Variants in ZFYVE16 observed in about 807,000 individuals in gnomAD.
The protein encoded by ZFYVE16 is zinc finger FYVE-type containing 16, also known as zinc finger FYVE domain-containing protein 16.
Under a neutral mutation model 138.1 loss-of-function variants are expected in ZFYVE16, and 89 were observed. The observed-to-expected ratio is 0.64, with a 90% CI of 0.54 to 0.77. The LOEUF is 0.77. ZFYVE16 is among the 30% of genes least tolerant of loss of function. ZFYVE16 has a pLI of 0.00. For synonymous variants in ZFYVE16, 596 were observed against 618.3 expected (o/e 0.96, Z 0.53); for missense variants, 1,793 against 1,786.7 (o/e 1.00, Z -0.06).
chr5:80,443,007 T>A (rs1026972684), intron 5 of ZFYVE16, 116 bp from the exon 6 acceptor site: 6 of 1,019,884 alleles, frequency 5.9e-6, no homozygotes, highest in South Asian at 4.0e-5. Context: ...TTTTCTTGAT[T>A]AGCCATTTCT....
rs772608052 is a variant in ZFYVE16, at chr5:80,439,014, T to C, written c.2322+7T>C. On this transcript the variant is annotated splice_region_variant and intron_variant, in intron 4 of 18. Coordinates refer to ENST00000505560, the MANE Select transcript of ZFYVE16 (RefSeq NM_001284236.3). ...TTGCCGAGCATGTGGGAAAGTAAGTTATAAAAATCTTTTAAGTCTTTTGTT... is the reference window on the plus strand; with the variant it reads ...TTGCCGAGCATGTGGGAAAGTAAGTCATAAAAATCTTTTAAGTCTTTTGTT... 223 of 1,592,612 alleles carry C rather than the reference T, an allele frequency of 1.4e-4. No homozygotes were observed. The highest frequency in any genetic ancestry group is 2.2e-5 in the Non-Finnish European group (26 of 1,171,094).
chr5:80,445,435 C>G (rs1356019667), intron 7 of ZFYVE16, 30 bp downstream of exon 7: 2 of 1,581,268 alleles, frequency 1.3e-6, no homozygotes, highest in Non-Finnish European at 8.6e-7. Context: ...ACTTAATTGA[C>G]TAAACAAAAT....
At chr5:80,427,807 A>G (rs1243380010) in intron 2 of ZFYVE16, among the ~76,000 whole-genome samples, 3 of 150,730 alleles carry the variant, frequency 2.0e-5, no homozygotes, top group African/African-American at 7.3e-5. Flanking sequence ...CCACTCTTCT[A>G]AAAAAGGTTC....
intron 5 of ZFYVE16, chr5:80,441,071 T>C: frequency 1.0e-6 from 1 of 985,434 alleles, no homozygotes; most frequent in Non-Finnish European, 1.2e-6. Flanking sequence ...TAAGTGCTTA[T>C]AGTTGTTTTG....
Position 80,439,026 on chromosome 5 carries a change from T to TAAAAGAC in ZFYVE16, c.2322+19_2322+20insAAAAGAC. On this transcript the variant is annotated intron_variant, in intron 4 of 18. Transcript: ENST00000505560. ...TGGGAAAGTAAGTTATAAAAATCTT[T>TAAAAGAC]TAAGTCTTTTGTTCTTTTGAGACAT... The TAAAAGAC allele has an allele frequency of 6.3e-7, 1 of 1,585,836 alleles. No homozygotes were observed. Among genetic ancestry groups the TAAAAGAC allele is most frequent in the Non-Finnish European group, 8.6e-7 (1 of 1,167,428 alleles).
chr5:80,418,804 T>C (rs1325458232), intron 1 of ZFYVE16, among the ~76,000 whole-genome samples: 1 of 152,198 alleles, frequency 6.6e-6, no homozygotes, highest in East Asian at 1.9e-4. Flanking sequence ...TCGTGGATCA[T>C]GGTACTGGTA....
At chr5:80,462,581 C>A (rs192809060) in intron 15 of ZFYVE16, among the ~76,000 whole-genome samples, 2 of 152,254 alleles carry the variant, frequency 1.3e-5, no homozygotes, top group Admixed American at 1.3e-4. Context: ...CTAACTATAT[C>A]ATTCCTCCCC....
intron 15 of ZFYVE16, among the ~76,000 whole-genome samples, chr5:80,460,968 T>G (rs1318419228): frequency 1.3e-5 from 2 of 152,336 alleles, no homozygotes; most frequent in African/African-American, 4.8e-5. Flanking sequence ...CTCATTGTAT[T>G]ATTTTTACTA....
At chr5:80,417,221 T>C (rs371520592) in intron 1 of ZFYVE16, among the ~76,000 whole-genome samples, 92 of 152,326 alleles carry the variant, frequency 6.0e-4, no homozygotes, top group Middle Eastern at 3.4e-3. Flanking sequence ...GCCTGTCTTT[T>C]CTTTCTTTAG....
At position 80,431,361 on chromosome 5, in the gene ZFYVE16, A is replaced by C. The variant is rs138405330; in HGVS notation, c.-39-2748A>C. On this transcript the variant is annotated intron_variant, in intron 2 of 18. Transcript: ENST00000505560. ...ACCACATGATTATCTCAATAGATGC[A>C]GAAAAGGCCTTTGACAAAATTCAAT... Among the ~76,000 whole-genome samples the C allele has an allele frequency of 1.3e-3, 191 of 152,356 alleles. 1 individual carries two copies. The highest frequency in any genetic ancestry group is 4.3e-3 in the African/African-American group (177 of 41,582).
chr5:80,446,926 T>C (rs1368748664), intron 7 of ZFYVE16, among the ~76,000 whole-genome samples: 1 of 152,148 alleles, frequency 6.6e-6, no homozygotes, highest in Non-Finnish European at 1.5e-5. Context: ...AGCATCACTT[T>C]GTGCCAGTCA....
chr5:80,474,946 T>A (rs1276833216), intron 18 of ZFYVE16, 116 bp downstream of exon 18: 1 of 1,084,540 alleles, frequency 9.2e-7, no homozygotes, highest in Admixed American at 2.7e-5. Flanking sequence ...GCATCAAATG[T>A]GTGCTACACA....
intron 8 of ZFYVE16, 138 bp downstream of exon 8, chr5:80,448,542 AG>A: frequency 1.3e-6 from 1 of 798,826 alleles, no homozygotes. Context: ...GTTTACAGAA[AG>A]TCTTATTATA....
At chr5:80,441,165 A>G (rs1033018921) in intron 5 of ZFYVE16, 1 of 985,470 alleles carries the variant, frequency 1.0e-6, no homozygotes, top group Non-Finnish European at 1.2e-6. Context: ...CAGAAATTTT[A>G]GAGCAAGCTC....
chr5:80,463,542 C>T (rs1401845450), intron 15 of ZFYVE16, among the ~76,000 whole-genome samples: 2 of 152,156 alleles, frequency 1.3e-5, no homozygotes, highest in African/African-American at 4.8e-5. Context: ...TCTGGTATGC[C>T]CTAGAGACAT....
At chr5:80,430,690 A>G (rs905600902) in intron 2 of ZFYVE16, among the ~76,000 whole-genome samples, 6 of 152,240 alleles carry the variant, frequency 3.9e-5, no homozygotes, top group African/African-American at 1.4e-4. Context: ...ATAGACTGCT[A>G]GCAAGACTGA....
At chr5:80,444,626 A>C (rs1751095376) in intron 6 of ZFYVE16, among the ~76,000 whole-genome samples, 1 of 152,042 alleles carries the variant, frequency 6.6e-6, no homozygotes. Context: ...ATAAGAACAA[A>C]AAATGTTATG....
At chr5:80,428,163 G>A (rs570917413) in intron 2 of ZFYVE16, among the ~76,000 whole-genome samples, 1 of 152,128 alleles carries the variant, frequency 6.6e-6, no homozygotes, top group Admixed American at 6.5e-5. Context: ...GTCTCCTCAA[G>A]TGGGTCCCTG....
At chr5:80,428,172 T>C (rs1281868924) in intron 2 of ZFYVE16, among the ~76,000 whole-genome samples, 1 of 152,028 alleles carries the variant, frequency 6.6e-6, no homozygotes, top group Non-Finnish European at 1.5e-5. Flanking sequence ...AGTGGGTCCC[T>C]GACCCCCGAG....
Sources: allele counts gnomAD v4.1 joint callset (sites outside exome capture counted in the v4.1 genomes callset), GRCh38; gene constraint gnomAD v4.1.1; transcripts MANE v1.5; gene names NCBI Gene and HGNC (gene_info 2026-07-23, HGNC 2026-07-21).